Variants in NCAM2 observed in about 807,000 individuals in gnomAD.
The protein encoded by NCAM2 is neural cell adhesion molecule 2, also known as N-CAM-2.
A neutral mutation model predicts 98.1 loss-of-function variants in NCAM2; 30 were observed. The observed-to-expected ratio is 0.31, with a 90% CI of 0.23 to 0.41. The LOEUF (loss-of-function observed/expected upper bound fraction) is 0.41. NCAM2 is among the 10% of genes least tolerant of loss of function. The pLI, the probability that NCAM2 is intolerant of heterozygous loss-of-function variation, is 1.00. For synonymous variants in NCAM2, 368 were observed against 342.4 expected (o/e 1.07, Z -0.83); for missense variants, 867 against 1,005.8 (o/e 0.86, Z 1.87).
chr21:21,316,316 G>A (rs950105240), intron 5 of NCAM2, among the ~76,000 whole-genome samples: 2 of 151,886 alleles, frequency 1.3e-5, no homozygotes, highest in African/African-American at 4.8e-5. Context: ...TGTGCACAAC[G>A]TGTAGGTTTG....
At chr21:21,441,861 C>T (rs1368803996) in intron 12 of NCAM2, among the ~76,000 whole-genome samples, 1 of 151,838 alleles carries the variant, frequency 6.6e-6, no homozygotes, top group South Asian at 2.1e-4. Flanking sequence ...AATCAGATGG[C>T]GTAAGGAGAT....
chr21:21,068,743 C>A (rs1312017196), intron 1 of NCAM2, among the ~76,000 whole-genome samples: 1 of 152,148 alleles, frequency 6.6e-6, no homozygotes, highest in Admixed American at 6.6e-5. Context: ...TATGCAATGA[C>A]CAATGACTTA....
At chr21:21,362,774 C>A (rs8132353) in intron 8 of NCAM2, among the ~76,000 whole-genome samples, 3,264 of 152,196 alleles carry the variant, frequency 0.021, 100 homozygotes, top group African/African-American at 0.075. Context: ...AACTGTCAAA[C>A]TGAAATCTAT....
chr21:21,085,197 T>TG (rs1191182869), intron 1 of NCAM2, among the ~76,000 whole-genome samples: 2 of 126,346 alleles, frequency 1.6e-5, no homozygotes, highest in Non-Finnish European at 3.2e-5. Flanking sequence ...TGTGTCTAGT[T>TG]GGGGTTTTTT....
In NCAM2 at chr21:21,510,934, G is replaced by A. The variant is rs539573801; in HGVS notation, c.2282+1879G>A. On this transcript the variant is annotated intron_variant, in intron 16 of 17. Coordinates refer to ENST00000400546, the MANE Select transcript of NCAM2 (RefSeq NM_004540.5). ...TCCTTTCCTGTCCCTATTCAATCTC[G>A]TGCTAAGCAATATCCTGACTTCATA... 2.0e-5 allele frequency among the ~76,000 whole-genome samples: 3 copies of A among 151,902 alleles called. No individual in the cohort carries two copies. In the South Asian group the frequency reaches 6.2e-4, roughly 32 times the overall value.
At chr21:21,439,586 A>G (rs1005365877) in intron 12 of NCAM2, among the ~76,000 whole-genome samples, 2 of 151,832 alleles carry the variant, frequency 1.3e-5, no homozygotes, top group African/African-American at 2.4e-5. Flanking sequence ...ATAGATTTTG[A>G]TTTATAATCA....
At chr21:21,199,270 C>A (rs894748977) in intron 1 of NCAM2, among the ~76,000 whole-genome samples, 6 of 152,206 alleles carry the variant, frequency 3.9e-5, no homozygotes, top group African/African-American at 1.4e-4. Context: ...CATTAATAAA[C>A]TTGCCTGTCT....
chr21:21,328,475 T>A (rs984373791), intron 6 of NCAM2, among the ~76,000 whole-genome samples: 1 of 152,066 alleles, frequency 6.6e-6, no homozygotes, highest in Admixed American at 6.6e-5. Context: ...TGCCTGTTAT[T>A]GCCCCCAAAA....
At chr21:21,443,756 G>T (rs924445552) in intron 12 of NCAM2, among the ~76,000 whole-genome samples, 1 of 152,082 alleles carries the variant, frequency 6.6e-6, no homozygotes, top group Admixed American at 6.6e-5. Flanking sequence ...GAGGTTCAAG[G>T]TCATTGTAAA....
chr21:21,112,786 A>G (rs565349281), intron 1 of NCAM2, among the ~76,000 whole-genome samples: 6 of 152,332 alleles, frequency 3.9e-5, no homozygotes, highest in Middle Eastern at 3.4e-3. Context: ...CAGCAAGATG[A>G]AACAAGTTGC....
intron 2 of NCAM2, among the ~76,000 whole-genome samples, chr21:21,281,987 T>C (rs76717861): frequency 6.6e-6 from 1 of 151,856 alleles, no homozygotes; most frequent in Admixed American, 6.6e-5. Flanking sequence ...TGATTCTTTA[T>C]ACATTTTCCT....
At chr21:21,144,101 G>A (rs535939762) in intron 1 of NCAM2, among the ~76,000 whole-genome samples, 1 of 152,164 alleles carries the variant, frequency 6.6e-6, no homozygotes, top group Non-Finnish European at 1.5e-5. Flanking sequence ...TGTAATCCCA[G>A]CACTTTGGGA....
At chr21:21,190,980 G>A (rs2068802685) in intron 1 of NCAM2, among the ~76,000 whole-genome samples, 1 of 152,116 alleles carries the variant, frequency 6.6e-6, no homozygotes. Context: ...CAAAGGCCGT[G>A]TATATTTACA....
intron 1 of NCAM2, among the ~76,000 whole-genome samples, chr21:21,216,865 C>T (rs2069924407): frequency 6.6e-6 from 1 of 152,242 alleles, no homozygotes; most frequent in Admixed American, 6.5e-5. Context: ...CCACATGACA[C>T]AAATTAAAAG....
intron 5 of NCAM2, among the ~76,000 whole-genome samples, chr21:21,301,565 G>C (rs2073715850): frequency 9.8e-6 from 1 of 101,884 alleles, no homozygotes; most frequent in Non-Finnish European, 1.8e-5. Context: ...TCCCCAGAGT[G>C]TGATATTCCC....
chr21:21,058,206 C>T (rs1234759461), intron 1 of NCAM2, among the ~76,000 whole-genome samples: 1 of 29,562 alleles, frequency 3.4e-5, no homozygotes, highest in Non-Finnish European at 1.3e-4. Flanking sequence ...AACCAAAGGG[C>T]AAAGAAAAAA....
intron 14 of NCAM2, among the ~76,000 whole-genome samples, chr21:21,475,550 A>G (rs1985057674): frequency 6.6e-6 from 1 of 152,182 alleles, no homozygotes; most frequent in Non-Finnish European, 1.5e-5. Flanking sequence ...CAAAATTGCA[A>G]CTAGGTTTCT....
intron 1 of NCAM2, among the ~76,000 whole-genome samples, chr21:21,004,424 T>G (rs1010881915): frequency 7.2e-5 from 11 of 152,172 alleles, no homozygotes; most frequent in Non-Finnish European, 1.6e-4. Context: ...ATATCACTTA[T>G]TTTTGTAGTT....
chr21:21,104,791 A>C (rs374707400), intron 1 of NCAM2, among the ~76,000 whole-genome samples: 2 of 152,252 alleles, frequency 1.3e-5, no homozygotes, highest in South Asian at 4.1e-4. Flanking sequence ...TGATCAATAC[A>C]ATATGGCAGA....
Sources: gnomAD v4.1 joint callset for allele counts (sites outside exome capture counted in the v4.1 genomes callset) on GRCh38, gnomAD v4.1.1 for gene constraint, MANE v1.5 for transcripts, NCBI Gene and HGNC (gene_info 2026-07-23, HGNC 2026-07-21) for gene names.